The following AP2A1 variants were observed in gnomAD, a reference collection of about 807,000 sequenced individuals.
AP2A1 encodes the protein AP-2 complex subunit alpha-1.
In AP2A1, 21 loss-of-function variants were observed where a neutral mutation model predicts 107.3. The ratio of observed to expected loss-of-function variants is 0.20; its 90% CI spans 0.14 to 0.28. AP2A1 has a LOEUF of 0.28. Ranked by LOEUF, AP2A1 falls within the 10% of genes least tolerant of loss-of-function variation. The pLI, the probability that AP2A1 is intolerant of heterozygous loss-of-function variation, is 1.00. For missense variants in AP2A1, 873 were observed against 1,307.7 expected, an observed-to-expected ratio of 0.67 and a Z score of 5.13; for synonymous variants, 602 against 564.8, an observed-to-expected ratio of 1.07 and a Z score of -0.93.
At chr19:49,782,464 C>T (rs1439207640) in intron 3 of AP2A1, 67 bp from the exon 4 acceptor site, 2 of 1,520,138 alleles carry the variant, frequency 1.3e-6, no homozygotes, top group Non-Finnish European at 8.9e-7. Flanking sequence ...ACTCCTGGGT[C>T]TGAGGGTTGG....
At chr19:49,775,277 A>G (rs1204660136) in intron 1 of AP2A1, among the ~76,000 whole-genome samples, 2 of 152,030 alleles carry the variant, frequency 1.3e-5, no homozygotes, top group African/African-American at 4.8e-5. Flanking sequence ...ATTTTAATAT[A>G]TTTTCTTTAC....
chr19:49,782,358 A>G (rs958730883), intron 3 of AP2A1, among the ~76,000 whole-genome samples, 173 bp from the exon 4 acceptor site: 5 of 115,840 alleles, frequency 4.3e-5, no homozygotes, highest in Admixed American at 3.4e-4. Context: ...CGTGGGTCTG[A>G]GGGAGGAGGG....
intron 15 of AP2A1, 145 bp downstream of exon 15, chr19:49,802,286 C>T (rs918477352): frequency 2.9e-5 from 24 of 837,972 alleles, no homozygotes; most frequent in Non-Finnish European, 4.3e-5. Context: ...GCCCTGGCTG[C>T]TGCCTCCCCT....
chr19:49,797,860 C>T (rs533245713), intron 7 of AP2A1, among the ~76,000 whole-genome samples: 22 of 152,126 alleles, frequency 1.4e-4, no homozygotes, highest in Non-Finnish European at 2.6e-4. Context: ...GCAGAAGGAT[C>T]GCTTGAGCCC....
rs748355537 is a variant in AP2A1 at position 49,801,448 on chromosome 19, C to A, written c.1612C>A (p.Arg538=). ...GTTCCATCTGTGCAGCGTGGCCACG[C>A]GGGCGCTGCTGCTGTCCACCTACAT... ...SKFHLCSVAT[R]ALLLSTYIKF... is the part of the protein sequence containing the mutation. Residue 538 remains arginine, a synonymous_variant, in exon 13 of 23, where the codon CGG becomes AGG. Transcript: ENST00000354293. 63 of 1,613,730 alleles carry A rather than the reference C, an allele frequency of 3.9e-5. No individual in the cohort carries two copies. The highest frequency in any genetic ancestry group is 5.1e-5 in the Non-Finnish European group (60 of 1,179,864).
At chr19:49,786,497 G>C (rs571173311) in intron 4 of AP2A1, among the ~76,000 whole-genome samples, 1 of 152,314 alleles carries the variant, frequency 6.6e-6, no homozygotes, top group South Asian at 2.1e-4. Context: ...AGTTAAGCTC[G>C]GGCCTGGTGA....
intron 1 of AP2A1, among the ~76,000 whole-genome samples, chr19:49,768,970 C>T (rs1000454290): frequency 1.8e-4 from 27 of 152,184 alleles, no homozygotes; most frequent in Non-Finnish European, 2.5e-4. Flanking sequence ...CCTGTTCTTG[C>T]TGGTCATGGT....
intron 15 of AP2A1, 21 bp from the exon 16 acceptor site, chr19:49,802,928 C>G (rs375972097): frequency 1.2e-6 from 2 of 1,610,378 alleles, no homozygotes; most frequent in Admixed American, 1.7e-5. Context: ...CTTCCCATCT[C>G]ACTCTGCTCC....
At chr19:49,782,169 C>CT in intron 3 of AP2A1, 80 bp downstream of exon 3, 2 of 163,670 alleles carry the variant, frequency 1.2e-5, no homozygotes, top group Non-Finnish European at 8.9e-6. Context: ...ACTCCTGGAT[C>CT]TGGGGGAGGA....
chr19:49,775,473 C>A (rs1227136287), intron 1 of AP2A1, among the ~76,000 whole-genome samples: 1 of 152,062 alleles, frequency 6.6e-6, no homozygotes. Context: ...CACCACCATG[C>A]CCGGCTAATT....
Position 49,801,634 on chromosome 19 carries a change from T to TGCCCCCCCCCCCCC in AP2A1, c.1785+13_1785+14insGCCCCCCCCCCCCC. On this transcript the variant is annotated intron_variant, in intron 13 of 22. Coordinates refer to ENST00000354293, the MANE Select transcript of AP2A1 (RefSeq NM_130787.3). ...CACCGACGTCCTGGTCAGAGCCCTGTCCCCCCACCCCACCCCTCTTGCACA... is the reference window on the plus strand; with the variant it reads ...CACCGACGTCCTGGTCAGAGCCCTGTGCCCCCCCCCCCCCCCCCCCACCCCACCCCTCTTGCACA... 6.7e-7 allele frequency: 1 copy of TGCCCCCCCCCCCCC among 1,482,290 alleles called. No individual in the cohort carries two copies. The highest frequency in any genetic ancestry group is 9.3e-7 in the Non-Finnish European group (1 of 1,076,942). 91.8% of individuals were successfully genotyped at this position (1,482,290 alleles called of 1,614,324 possible).
At position 49,797,961 on chromosome 19, in the gene AP2A1, C is replaced by T. The variant is rs113149481; in HGVS notation, c.815-841C>T. Among the ~76,000 whole-genome samples the T allele has an allele frequency of 4.8e-3, 732 of 152,214 alleles. 2 individuals are homozygous for T. Among genetic ancestry groups the T allele is most frequent in the African/African-American group, 0.016 (683 of 41,538 alleles). On this transcript the variant is annotated intron_variant, in intron 7 of 22. Transcript: ENST00000354293. ...TTCTGTCTTTGTTATTTCTCGTAGT[C>T]TGGACTAGCCCCCCTACACCTGTTT...
At chr19:49,787,185 CTT>C (rs540869888) in intron 4 of AP2A1, among the ~76,000 whole-genome samples, 3 of 142,336 alleles carry the variant, frequency 2.1e-5, no homozygotes, top group Admixed American at 7.0e-5. Flanking sequence ...TTTTGTATTT[CTT>C]TTTTTTTTTG....
At chr19:49,803,704 G>T (rs2073322485) in intron 18 of AP2A1, 1 of 400,168 alleles carries the variant, frequency 2.5e-6, no homozygotes, top group Non-Finnish European at 4.7e-6. Flanking sequence ...CCTGCACTCA[G>T]GAGCCAGGCC....
Position 49,806,956 on chromosome 19 carries a change from T to TC in AP2A1, c.*203dup. 6.5e-7 allele frequency: 1 copy of TC among 1,530,064 alleles called. No homozygotes were observed. Among genetic ancestry groups the TC allele is most frequent in the Non-Finnish European group, 8.7e-7 (1 of 1,145,744 alleles). 94.8% of individuals were successfully genotyped at this position (1,530,064 alleles called of 1,614,324 possible). ...TTACATTCTGGGGGGTTAGGGGGAG[T>TC]CCCCCTCCCTCCCTTTCCCCCCCAA... is the stretch of plus-strand genomic sequence containing the variant. On this transcript the variant is annotated 3_prime_UTR_variant, in exon 23 of 23. Transcript: ENST00000354293.
Position 49,782,674 on chromosome 19 carries a change from G to A in AP2A1, c.423G>A (p.Arg141=), listed in dbSNP as rs369964852. ...ALHCIANVGS[R]EMGEAFAADI... is the part of the protein sequence containing the mutation. Reference sequence around the variant, plus strand: ...ACTGCATCGCCAACGTGGGCAGCCGGGAGATGGGCGAGGCCTTTGCCGCTG... The same window carrying A: ...ACTGCATCGCCAACGTGGGCAGCCGAGAGATGGGCGAGGCCTTTGCCGCTG... Residue 141 remains arginine, a synonymous_variant, in exon 4 of 23, where the codon CGG becomes CGA. Coordinates refer to ENST00000354293, the MANE Select transcript of AP2A1 (RefSeq NM_130787.3). 1.2e-6 allele frequency: 2 copies of A among 1,611,638 alleles called. No homozygotes were observed. The highest frequency in any genetic ancestry group is 1.7e-5 in the Admixed American group (1 of 59,842).
chr19:49,769,803 T>C (rs1600211708), intron 1 of AP2A1, among the ~76,000 whole-genome samples: 1 of 151,900 alleles, frequency 6.6e-6, no homozygotes. Flanking sequence ...ATTAGGAGGG[T>C]GTTGCAGGCC....
chr19:49,780,615 A>G (rs2084664367), intron 1 of AP2A1, among the ~76,000 whole-genome samples: 1 of 152,148 alleles, frequency 6.6e-6, no homozygotes, highest in African/African-American at 2.4e-5. Context: ...GGGAGGCAAG[A>G]AGGCTGGAGG....
rs558132780 is a variant in AP2A1 at position 49,788,987 on chromosome 19, T to A, written c.474-2948T>A. Among the ~76,000 whole-genome samples, 17 of 152,276 alleles carry A rather than the reference T, an allele frequency of 1.1e-4. No homozygotes were observed. The South Asian group carries it at 3.5e-3, about 32-fold the overall frequency. ...CAGAGGGCCTGTCCCTGTGTCCGCC[T>A]CCAGCTGCAGCACACGAGGGTTCCC... On this transcript the variant is annotated intron_variant, in intron 4 of 22. Transcript: ENST00000354293. The surrounding 1 kb of genome is among the most constrained non-coding windows in gnomAD (Gnocchi z 4.5).
Sources: gnomAD v4.1 joint callset for allele counts (sites outside exome capture counted in the v4.1 genomes callset) on GRCh38, gnomAD v4.1.1 for gene constraint, Gnocchi (gnomAD v3.1) non-coding constraint, MANE v1.5 for transcripts, NCBI Gene and HGNC (gene_info 2026-07-23, HGNC 2026-07-21) for gene names.